The following LIMA1 variants were observed in gnomAD, a reference collection of about 807,000 sequenced individuals.
The protein encoded by LIMA1 is LIM domain and actin binding 1.
LIMA1 carries 52 observed loss-of-function variants against 62.6 expected under a neutral mutation model. The ratio of observed to expected loss-of-function variants is 0.83; its 90% confidence interval spans 0.67 to 1.05. LIMA1 has a LOEUF of 1.05. Among genes scored for constraint, LIMA1 ranks in the 50% least tolerant of loss-of-function variants. The pLI is 0.00. For missense variants in LIMA1, 780 were observed against 902.2 expected (o/e 0.86, Z 1.74); for synonymous variants, 302 against 317.8 (o/e 0.95, Z 0.53).
In LIMA1 at chr12:50,176,980, C is replaced by G. The variant is rs1332419506; in HGVS notation, c.*84G>C. 2.9e-6 allele frequency: 3 copies of G among 1,037,432 alleles called. No homozygotes were observed. Among genetic ancestry groups the G allele is most frequent in the Non-Finnish European group, 4.0e-6 (3 of 750,104 alleles). 64.3% of individuals were successfully genotyped at this position (1,037,432 alleles called of 1,614,324 possible). A position where few individuals can be genotyped will look rare whatever the true frequency, so the allele number is the denominator to read the frequency against. ...TAAATTACATTTCATGCTGGGATACCTGCTTATGTGCATCACATTTTGACA... is the reference window on the plus strand; with the variant it reads ...TAAATTACATTTCATGCTGGGATACGTGCTTATGTGCATCACATTTTGACA... On this transcript the variant is annotated 3_prime_UTR_variant, in exon 11 of 11. Coordinates refer to ENST00000341247, the MANE Select transcript of LIMA1 (RefSeq NM_016357.5).
At chr12:50,193,181 G>A (rs1160759355) in intron 8 of LIMA1, among the ~76,000 whole-genome samples, 1 of 151,928 alleles carries the variant, frequency 6.6e-6, no homozygotes, top group Non-Finnish European at 1.5e-5. Flanking sequence ...AGTCAACAAA[G>A]TACTAAAATA....
intron 6 of LIMA1, among the ~76,000 whole-genome samples, chr12:50,204,009 G>C (rs1382702621): frequency 6.6e-6 from 1 of 152,058 alleles, no homozygotes; most frequent in African/African-American, 2.4e-5. Flanking sequence ...AGTGGTAATG[G>C]TTGTACAACC....
chr12:50,259,414 G>T (rs1351422989), intron 1 of LIMA1, among the ~76,000 whole-genome samples: 1 of 152,076 alleles, frequency 6.6e-6, no homozygotes, highest in Non-Finnish European at 1.5e-5. Context: ...TAAATAGAAA[G>T]AACTCTATAA....
At chr12:50,213,534 T>C (rs994725443) in intron 4 of LIMA1, among the ~76,000 whole-genome samples, 3 of 152,250 alleles carry the variant, frequency 2.0e-5, no homozygotes, top group African/African-American at 7.2e-5. Context: ...GTGAGCTGGA[T>C]TAAATAACTT....
intron 4 of LIMA1, among the ~76,000 whole-genome samples, chr12:50,214,808 CA>C (rs1278725931): frequency 6.6e-6 from 1 of 152,126 alleles, no homozygotes; most frequent in African/African-American, 2.4e-5. Flanking sequence ...AACAAACAAA[CA>C]AAACTATGCA....
chr12:50,271,075 G>C (rs1331498082), intron 1 of LIMA1, among the ~76,000 whole-genome samples: 5 of 152,128 alleles, frequency 3.3e-5, no homozygotes, highest in Non-Finnish European at 5.9e-5. Context: ...CTGGGCGACA[G>C]AGCGAGACTC....
At chr12:50,181,161 G>A (rs972690869) in intron 10 of LIMA1, among the ~76,000 whole-genome samples, 3 of 148,268 alleles carry the variant, frequency 2.0e-5, no homozygotes, top group African/African-American at 7.5e-5. Context: ...AATTAACACA[G>A]TGGGCAGCAG....
At chr12:50,275,711 C>CA (rs1207184664) in intron 1 of LIMA1, among the ~76,000 whole-genome samples, 1 of 152,024 alleles carries the variant, frequency 6.6e-6, no homozygotes, top group Non-Finnish European at 1.5e-5. Context: ...ACTGCATGAG[C>CA]AAAGGCACAG....
intron 6 of LIMA1, 114 bp from the exon 7 acceptor site, chr12:50,200,998 G>A (rs1261769862): frequency 4.8e-5 from 70 of 1,467,318 alleles, no homozygotes; most frequent in Non-Finnish European, 6.3e-5. Context: ...AAGAAGCCTC[G>A]GGTCAAATCA....
intron 1 of LIMA1, among the ~76,000 whole-genome samples, chr12:50,282,500 T>A (rs550593792): frequency 6.6e-6 from 1 of 152,376 alleles, no homozygotes; most frequent in East Asian, 1.9e-4. Context: ...CAGATCTGGA[T>A]TAGGCAGACT....
At chr12:50,261,056 T>A (rs1298218251) in intron 1 of LIMA1, among the ~76,000 whole-genome samples, 16 of 110,572 alleles carry the variant, frequency 1.4e-4, no homozygotes, top group African/African-American at 3.5e-4. Context: ...TTTTTTTTTT[T>A]TTTTTTTTTT....
chr12:50,192,039 A>G (rs557077281), intron 9 of LIMA1, among the ~76,000 whole-genome samples: 1 of 149,766 alleles, frequency 6.7e-6, no homozygotes, highest in Non-Finnish European at 1.5e-5. Context: ...GGAGGCTGAG[A>G]CAGGAGAATT....
At chr12:50,186,275 ATTTTT>A (rs1044608216) in intron 9 of LIMA1, 2 of 150,792 alleles carry the variant, frequency 1.3e-5, no homozygotes, top group Admixed American at 1.3e-4. Flanking sequence ...TTAGTAAGAG[ATTTTT>A]TTTTTCATTC....
At chr12:50,199,640 C>T (rs956985188) in intron 7 of LIMA1, among the ~76,000 whole-genome samples, 28 of 152,056 alleles carry the variant, frequency 1.8e-4, no homozygotes, top group Non-Finnish European at 2.6e-4. Flanking sequence ...ACATAAAGAC[C>T]ACATGGAATG....
intron 6 of LIMA1, chr12:50,204,221 T>C (rs1012021839): frequency 5.5e-6 from 1 of 181,340 alleles, no homozygotes; most frequent in Admixed American, 6.2e-5. Context: ...ACAACCAAGA[T>C]AAAATAAGAG....
chr12:50,231,725 A>C lies in LIMA1; in HGVS notation c.120-15T>G, dbSNP rs752172193. The stretch of plus-strand genomic sequence containing the variant: ...CTTTCTGGTACCTTCAGAGAAGGGA[A>C]GGAAAGAATGTCTCAAATTAAACTT... On this transcript the variant is annotated splice_polypyrimidine_tract_variant and intron_variant, in intron 2 of 10. Transcript: ENST00000341247. 1 of 1,608,934 alleles carries C rather than the reference A, an allele frequency of 6.2e-7. No individual in the cohort carries two copies.
chr12:50,228,005 G>T (rs540419833), intron 3 of LIMA1, among the ~76,000 whole-genome samples: 1 of 151,748 alleles, frequency 6.6e-6, no homozygotes, highest in Non-Finnish European at 1.5e-5. Context: ...GACTACAGGC[G>T]CCCGCCACCG....
At chr12:50,224,044 A>C (rs1941490816) in intron 3 of LIMA1, among the ~76,000 whole-genome samples, 1 of 152,086 alleles carries the variant, frequency 6.6e-6, no homozygotes, top group African/African-American at 2.4e-5. Flanking sequence ...TCTCAAAAAA[A>C]AAAAGAAAAA....
intron 4 of LIMA1, 89 bp downstream of exon 4, chr12:50,221,932 G>A (rs1941448410): frequency 4.8e-6 from 5 of 1,044,382 alleles, no homozygotes; most frequent in East Asian, 2.4e-5. Flanking sequence ...CCACATATTC[G>A]CCTCTACTCA....
Sources: gnomAD v4.1 joint callset for allele counts (sites outside exome capture counted in the v4.1 genomes callset) on GRCh38, gnomAD v4.1.1 for gene constraint, MANE v1.5 for transcripts, NCBI Gene and HGNC (gene_info 2026-07-23, HGNC 2026-07-21) for gene names.